SLC7A5: variants seen among roughly 807,000 people sequenced by gnomAD.
SLC7A5 encodes the protein solute carrier family 7 member 5, also known as large neutral amino acids transporter small subunit 1.
SLC7A5 carries 23 observed loss-of-function variants against 50.2 expected under a neutral mutation model. The observed-to-expected ratio is 0.46, with a 90% CI of 0.33 to 0.65. The LOEUF (loss-of-function observed/expected upper bound fraction) is 0.65, where lower values mean the gene tolerates loss of function less well. SLC7A5 is among the 30% of genes least tolerant of loss of function. The pLI is 0.02. For synonymous variants in SLC7A5, 393 were observed against 330.6 expected (o/e 1.19, Z -2.05); for missense variants, 578 against 684.4 (o/e 0.84, Z 1.73).
intron 1 of SLC7A5, among the ~76,000 whole-genome samples, 164 bp downstream of exon 1, chr16:87,868,721 G>T (rs528210961): frequency 5.9e-5 from 9 of 152,370 alleles, no homozygotes; most frequent in Admixed American, 5.9e-4. Flanking sequence ...ATGAATGAAA[G>T]AAACGCACGT....
chr16:87,851,698 C>T (rs916369946), intron 2 of SLC7A5, 26 bp downstream of exon 2: 25 of 1,604,012 alleles, frequency 1.6e-5, no homozygotes, highest in Non-Finnish European at 2.0e-5. Context: ...GAGGGGCCGC[C>T]GGTGGGGCCT....
chr16:87,852,923 C>T lies in SLC7A5; in HGVS notation c.539-1074G>A, dbSNP rs2055256276. Reference sequence around the variant, plus strand: ...GCCTGCTGCACTACCCTTCACTCCTCTGCTCACGAGGTTATCTGTCGCTGT... The same window carrying T: ...GCCTGCTGCACTACCCTTCACTCCTTTGCTCACGAGGTTATCTGTCGCTGT... On this transcript the variant is annotated intron_variant, in intron 1 of 9. Transcript: ENST00000261622. The surrounding 1 kb of genome is among the most constrained non-coding windows in gnomAD (Gnocchi z 4.5). Among the ~76,000 whole-genome samples the T allele has an allele frequency of 6.6e-6, 1 of 152,174 alleles. No individual in the cohort carries two copies. The highest frequency in any genetic ancestry group is 2.4e-5 in the African/African-American group (1 of 41,444).
In SLC7A5 at chr16:87,856,950, G is replaced by A. The variant is rs373123772; in HGVS notation, c.539-5101C>T. On this transcript the variant is annotated intron_variant, in intron 1 of 9. Coordinates refer to ENST00000261622, the MANE Select transcript of SLC7A5 (RefSeq NM_003486.7). Reference sequence around the variant, plus strand: ...AGGTCCCAGGGAGGCTGGTGCTGCCGGCCTGGGGAGCGCCCCCAGCACAGG... The same window carrying A: ...AGGTCCCAGGGAGGCTGGTGCTGCCAGCCTGGGGAGCGCCCCCAGCACAGG... Among the ~76,000 whole-genome samples, 21 of 152,320 alleles carry A rather than the reference G, an allele frequency of 1.4e-4. No homozygotes were observed. The East Asian group carries it at 3.1e-3, about 22-fold the overall frequency.
chr16:87,837,045 C>T (rs75610044), intron 7 of SLC7A5, among the ~76,000 whole-genome samples: 1,785 of 152,354 alleles, frequency 0.012, 33 homozygotes, highest in African/African-American at 0.041. Flanking sequence ...GTTTCTGTAA[C>T]CCCCGGCACA....
At chr16:87,843,842 G>T (rs1179734884) in intron 2 of SLC7A5, among the ~76,000 whole-genome samples, 1 of 152,166 alleles carries the variant, frequency 6.6e-6, no homozygotes, top group Non-Finnish European at 1.5e-5. Flanking sequence ...ACCATGACAA[G>T]GCATCAGCCA....
At chr16:87,865,723 A>T (rs1446292639) in intron 1 of SLC7A5, among the ~76,000 whole-genome samples, 1 of 152,206 alleles carries the variant, frequency 6.6e-6, no homozygotes, top group Non-Finnish European at 1.5e-5. Flanking sequence ...AATAAAATAA[A>T]AATAAATTTA....
At position 87,830,440 on chromosome 16, in the gene SLC7A5, T is replaced by C. The variant is rs2054922273; in HGVS notation, c.*2530A>G. The C allele has an allele frequency of 2.0e-5, 3 of 152,192 alleles. No homozygotes were observed. Among genetic ancestry groups the C allele is most frequent in the Admixed American group, 1.3e-4 (2 of 15,280 alleles). 9.4% of individuals were successfully genotyped at this position (152,192 alleles called of 1,614,324 possible). The stretch of plus-strand genomic sequence containing the variant: ...GGAAACCGCTGGGGACGTTTGTCAG[T>C]GGAGTGTGGAGAAAAAGGGACGGAA... On this transcript the variant is annotated 3_prime_UTR_variant, in exon 10 of 10. Coordinates refer to ENST00000261622, the MANE Select transcript of SLC7A5 (RefSeq NM_003486.7).
chr16:87,854,739 A>T (rs1473777198), intron 1 of SLC7A5, among the ~76,000 whole-genome samples: 7 of 152,250 alleles, frequency 4.6e-5, no homozygotes, highest in Non-Finnish European at 1.0e-4. Context: ...ATTGGCAGAT[A>T]GCCGGGCAGG....
At chr16:87,863,596 G>A (rs575870221) in intron 1 of SLC7A5, 3 of 152,176 alleles carry the variant, frequency 2.0e-5, no homozygotes, top group South Asian at 4.2e-4. Context: ...TCACCTTTAT[G>A]ACCAGTGAAA....
chr16:87,837,662 T>C (rs2055024856), intron 7 of SLC7A5, 183 bp downstream of exon 7: 1 of 588,910 alleles, frequency 1.7e-6, no homozygotes, highest in African/African-American at 1.9e-5. Context: ...TATATTATTT[T>C]TGGAATAAAA....
chr16:87,842,931 C>A (rs2055100018), intron 2 of SLC7A5, among the ~76,000 whole-genome samples: 2 of 152,124 alleles, frequency 1.3e-5, no homozygotes, highest in African/African-American at 4.8e-5. Context: ...ATGTGCAGAC[C>A]CTTCACATCT....
At position 87,839,683 on chromosome 16, in the gene SLC7A5, C is replaced by T. The variant is rs751907770; in HGVS notation, c.939+19G>A. ...CAGCCTCTCAGGCCCCTGGTGGAAG[C>T]TGGCGGGTAGCGGCTCACCACGGCC... On this transcript the variant is annotated intron_variant, in intron 5 of 9. Transcript: ENST00000261622. 5.6e-6 allele frequency: 9 copies of T among 1,612,666 alleles called. No individual in the cohort carries two copies. The African/African-American group carries it at 8.0e-5, about 14-fold the overall frequency.
intron 2 of SLC7A5, among the ~76,000 whole-genome samples, chr16:87,845,472 G>A (rs536125874): frequency 5.5e-4 from 79 of 144,100 alleles, no homozygotes; most frequent in African/African-American, 1.9e-3. Flanking sequence ...CAGAGTCCAC[G>A]CCCACCCCAC....
In SLC7A5 at chr16:87,857,225, A is replaced by AT. The variant is rs57435838; in HGVS notation, c.539-5377dup. On this transcript the variant is annotated intron_variant, in intron 1 of 9. Coordinates refer to ENST00000261622, the MANE Select transcript of SLC7A5 (RefSeq NM_003486.7). ...GCAGGGAAGCAAAGGCAGCGTTCAC[A>AT]TTTTTTTTTTTTTTGAGACGAAGTC... 1.5e-3 allele frequency among the ~76,000 whole-genome samples: 225 copies of AT among 147,216 alleles called. 1 individual carries two copies. Among genetic ancestry groups the AT allele is most frequent in the Admixed American group, 3.6e-3 (53 of 14,760 alleles).
chr16:87,867,468 C>A (rs2055477719), intron 1 of SLC7A5, among the ~76,000 whole-genome samples: 1 of 152,200 alleles, frequency 6.6e-6, no homozygotes, highest in Non-Finnish European at 1.5e-5. Context: ...GGTGCGGCTG[C>A]TCGACTCAGA....
chr16:87,838,572 T>C, intron 6 of SLC7A5, 142 bp downstream of exon 6: 1 of 727,436 alleles, frequency 1.4e-6, no homozygotes, highest in Non-Finnish European at 2.5e-6. Context: ...GGATTACAGG[T>C]ATGAGCCACC....
At chr16:87,855,974 C>A (rs2055313593) in intron 1 of SLC7A5, among the ~76,000 whole-genome samples, 1 of 152,168 alleles carries the variant, frequency 6.6e-6, no homozygotes, top group South Asian at 2.1e-4. Context: ...CTCACCTGCC[C>A]CCGAGCCAGG....
At chr16:87,836,731 G>C (rs2055009097) in intron 7 of SLC7A5, 84 bp from the exon 8 acceptor site, 7 of 1,444,822 alleles carry the variant, frequency 4.8e-6, no homozygotes, top group South Asian at 1.1e-5. Context: ...GGACTGTCCA[G>C]CCTGGCTGGG....
rs33992624 is a variant in SLC7A5 at position 87,839,836 on chromosome 16, C to A, written c.816-11G>T. The A allele has an allele frequency of 6.2e-7, 1 of 1,613,580 alleles. No homozygotes were observed. Among genetic ancestry groups the A allele is most frequent in the East Asian group, 2.2e-5 (1 of 44,868 alleles). On this transcript the variant is annotated splice_polypyrimidine_tract_variant and intron_variant, in intron 4 of 9. Coordinates refer to ENST00000261622, the MANE Select transcript of SLC7A5 (RefSeq NM_003486.7). ...GCCAGGGGCAGGTTTCTGGAAAGAA[C>A]AGGGACGACATGTCACCCAACGCAG...
Sources: gnomAD v4.1 joint callset for allele counts (sites outside exome capture counted in the v4.1 genomes callset) on GRCh38, gnomAD v4.1.1 for gene constraint, Gnocchi (gnomAD v3.1) non-coding constraint, MANE v1.5 for transcripts, NCBI Gene and HGNC (gene_info 2026-07-23, HGNC 2026-07-21) for gene names.